NBEAL1: variants seen among roughly 807,000 people sequenced by gnomAD.
NBEAL1 encodes the protein neurobeachin like 1.
Under a neutral mutation model 351.3 loss-of-function variants are expected in NBEAL1, and 273 were observed. The ratio of observed to expected loss-of-function variants is 0.78; its 90% CI spans 0.70 to 0.86. NBEAL1 has a LOEUF of 0.86. NBEAL1 is among the 40% of genes least tolerant of loss of function. NBEAL1 has a pLI of 0.00. For missense variants in NBEAL1, 2,961 were observed against 3,201.3 expected (o/e 0.92, Z 1.81); for synonymous variants, 1,050 against 1,086.4 (o/e 0.97, Z 0.66).
intron 7 of NBEAL1, among the ~76,000 whole-genome samples, chr2:203,071,595 T>G (rs2061684066): frequency 6.6e-6 from 1 of 152,168 alleles, no homozygotes; most frequent in Non-Finnish European, 1.5e-5. Context: ...CAGCCCCAAA[T>G]GTCTTAACTC....
In NBEAL1 at chr2:203,224,531, T is replaced by C. The variant is rs1334045213; in HGVS notation, c.*7177T>C. On this transcript the variant is annotated 3_prime_UTR_variant, in exon 56 of 56. Transcript: ENST00000683969. ...TTCTGGGACTCCAATAGCATTTCAGTGTTATAGAGAGTGACAGTGACTTGA... is the reference window on the plus strand; with the variant it reads ...TTCTGGGACTCCAATAGCATTTCAGCGTTATAGAGAGTGACAGTGACTTGA... 1.3e-5 allele frequency among the ~76,000 whole-genome samples: 2 copies of C among 152,158 alleles called. No individual in the cohort carries two copies. Among genetic ancestry groups the C allele is most frequent in the Non-Finnish European group, 2.9e-5 (2 of 67,980 alleles).
At chr2:203,168,684 A>G (rs759011861) in intron 38 of NBEAL1, among the ~76,000 whole-genome samples, 5 of 152,116 alleles carry the variant, frequency 3.3e-5, no homozygotes, top group Non-Finnish European at 7.4e-5. Flanking sequence ...TCACGAGGTC[A>G]AGAGTTTGAG....
chr2:203,096,871 T>A (rs960149251), intron 10 of NBEAL1, among the ~76,000 whole-genome samples: 4 of 152,236 alleles, frequency 2.6e-5, no homozygotes, highest in Admixed American at 6.5e-5. Flanking sequence ...AGAACCATAC[T>A]GGGTGTTACG....
chr2:203,209,710 AAT>A (rs937416960), intron 53 of NBEAL1, among the ~76,000 whole-genome samples: 2 of 33,804 alleles, frequency 5.9e-5, no homozygotes, highest in Non-Finnish European at 9.1e-5. Context: ...TTATTTAATT[AAT>A]ATGTGTGTGT....
chr2:203,172,312 G>A (rs987979178), intron 40 of NBEAL1, among the ~76,000 whole-genome samples: 1 of 152,120 alleles, frequency 6.6e-6, no homozygotes, highest in Non-Finnish European at 1.5e-5. Context: ...CCTGAGGTCA[G>A]GAGTTTGAGA....
intron 34 of NBEAL1, among the ~76,000 whole-genome samples, chr2:203,149,371 A>G (rs1318742720): frequency 6.6e-6 from 1 of 152,166 alleles, no homozygotes; most frequent in African/African-American, 2.4e-5. Flanking sequence ...ACCCTTTGAT[A>G]TGAAGTTTAT....
intron 2 of NBEAL1, among the ~76,000 whole-genome samples, chr2:203,032,622 A>C (rs1017062667): frequency 2.7e-5 from 4 of 149,394 alleles, no homozygotes; most frequent in Non-Finnish European, 4.5e-5. Context: ...ATCGTGCATA[A>C]GAACAAAAAC....
intron 3 of NBEAL1, among the ~76,000 whole-genome samples, chr2:203,044,443 T>C (rs1488428969): frequency 6.6e-6 from 1 of 152,220 alleles, no homozygotes; most frequent in African/African-American, 2.4e-5. Context: ...GTTTGGAATA[T>C]TAGAATGAAG....
chr2:203,168,893 CAAAAAAAA>C (rs35683401), intron 38 of NBEAL1, among the ~76,000 whole-genome samples: 1 of 97,286 alleles, frequency 1.0e-5, no homozygotes. Flanking sequence ...GACTCCATCT[CAAAAAAAA>C]AAAAAAAAAA....
intron 24 of NBEAL1, among the ~76,000 whole-genome samples, chr2:203,128,831 C>T (rs1191342459): frequency 6.6e-6 from 1 of 151,664 alleles, no homozygotes; most frequent in Non-Finnish European, 1.5e-5. Context: ...CTCTTGACCT[C>T]GTGATCCGCC....
At chr2:203,210,466 C>T (rs1440650379) in intron 53 of NBEAL1, among the ~76,000 whole-genome samples, 1 of 151,660 alleles carries the variant, frequency 6.6e-6, no homozygotes, top group Admixed American at 6.6e-5. Context: ...TCGAGACCAT[C>T]CTAACTAACA....
Position 203,197,378 on chromosome 2 carries a change from GC to G in NBEAL1, c.7118del (p.Pro2373LeufsTer4). On this transcript the variant is annotated frameshift_variant, in exon 48 of 56. Transcript: ENST00000683969. LOFTEE classifies it high-confidence loss of function. ...TATCGTTCTTTTATGTCTCAAGGCA[GC>G]CCTGAGTTACTGGTAAGTTGATTTT... ...NQYRSFMSQG[S>X]PELLITISMN... The G allele has an allele frequency of 6.3e-7, 1 of 1,598,330 alleles. No individual in the cohort carries two copies. Among genetic ancestry groups the G allele is most frequent in the Non-Finnish European group, 8.6e-7 (1 of 1,165,678 alleles).
chr2:203,179,971 A>G (rs542385733), intron 42 of NBEAL1, among the ~76,000 whole-genome samples: 7 of 152,084 alleles, frequency 4.6e-5, no homozygotes, highest in African/African-American at 1.7e-4. Flanking sequence ...ACGAGGTTTC[A>G]CCATGTTGGC....
intron 36 of NBEAL1, 89 bp from the exon 37 acceptor site, chr2:203,166,060 A>T: frequency 8.1e-7 from 1 of 1,239,358 alleles, no homozygotes. Flanking sequence ...AAAGAAAAAA[A>T]AGAGATTATA....
intron 36 of NBEAL1, among the ~76,000 whole-genome samples, chr2:203,161,162 C>T (rs1400533520): frequency 4.0e-5 from 6 of 151,630 alleles, no homozygotes; most frequent in Non-Finnish European, 8.8e-5. Flanking sequence ...CCTGTCTCTA[C>T]TAAAAATACA....
chr2:203,184,344 T>C (rs2105750210), intron 44 of NBEAL1, among the ~76,000 whole-genome samples: 1 of 152,114 alleles, frequency 6.6e-6, no homozygotes, highest in East Asian at 1.9e-4. Context: ...GGTAAGATAA[T>C]CTCTTGAACC....
chr2:203,122,206 A>G (rs780163913), intron 18 of NBEAL1, 48 bp from the exon 19 acceptor site: 1 of 1,076,006 alleles, frequency 9.3e-7, no homozygotes, highest in South Asian at 1.5e-5. Flanking sequence ...GGTTAAATTT[A>G]TGTTTTGTTC....
rs371471048 is a variant in NBEAL1, at chr2:203,046,378, G to T, written c.144-3436G>T. Among the ~76,000 whole-genome samples the T allele has an allele frequency of 2.6e-5, 4 of 152,058 alleles. No individual in the cohort carries two copies. In the East Asian group the frequency reaches 5.8e-4, roughly 22 times the overall value. On this transcript the variant is annotated intron_variant, in intron 3 of 55. Transcript: ENST00000683969. ...CTACAGGCACCCGCCACCACGCTCGGCTAATTTTTTTTGTATTTTTAGTAG... is the reference window on the plus strand; with the variant it reads ...CTACAGGCACCCGCCACCACGCTCGTCTAATTTTTTTTGTATTTTTAGTAG...
intron 2 of NBEAL1, among the ~76,000 whole-genome samples, chr2:203,020,282 T>C (rs1314743832): frequency 1.3e-5 from 2 of 152,248 alleles, no homozygotes; most frequent in African/African-American, 4.8e-5. Flanking sequence ...GTAAACCTTA[T>C]GTTGTTATTG....
Sources: allele counts gnomAD v4.1 joint callset (sites outside exome capture counted in the v4.1 genomes callset), GRCh38; gene constraint gnomAD v4.1.1; transcripts MANE v1.5; gene names NCBI Gene and HGNC (gene_info 2026-07-23, HGNC 2026-07-21).